The following TMEM18 variants were observed in gnomAD, a reference collection of about 807,000 sequenced individuals.
TMEM18 encodes the protein transmembrane protein 18.
TMEM18 carries 14 observed loss-of-function variants against 17.4 expected under a neutral mutation model. That is an observed-to-expected ratio of 0.80 (90% CI 0.53 to 1.25). The LOEUF is 1.25. Among genes scored for constraint, TMEM18 ranks in the 50% most tolerant of loss-of-function variants. TMEM18 has a pLI of 0.00. For missense variants in TMEM18, 187 were observed against 172.1 expected (o/e 1.09, Z -0.48); for synonymous variants, 86 against 66.1 (o/e 1.30, Z -1.46).
chr2:666,366 T>C lies in TMEM18; in HGVS notation c.*3214A>G, dbSNP rs187394952. Reference sequence around the variant, plus strand: ...AGCGCCTCCCCTGGCATAGGTCTTGTGCAATTTCTAATGACAGCATGATTC... The same window carrying C: ...AGCGCCTCCCCTGGCATAGGTCTTGCGCAATTTCTAATGACAGCATGATTC... On this transcript the variant is annotated 3_prime_UTR_variant, in exon 5 of 5. Coordinates refer to ENST00000281017, the MANE Select transcript of TMEM18 (RefSeq NM_152834.4). Among the ~76,000 whole-genome samples, 3 of 152,250 alleles carry C rather than the reference T, an allele frequency of 2.0e-5. No homozygotes were observed. In the East Asian group the frequency reaches 5.8e-4, roughly 29 times the overall value.
chr2:670,062 C>T (rs749933844), intron 3 of TMEM18: 39 of 543,500 alleles, frequency 7.2e-5, no homozygotes, highest in Non-Finnish European at 1.1e-4. Context: ...CACTGGGTCA[C>T]AGGACAGGGA....
rs1490053861 is a variant in TMEM18, at chr2:665,043, A to G, written c.*4537T>C. ...AACAATTTTCTCCTGTTCCAAAGAT[A>G]TCCAATGTTATATAAGAAATAACCA... is the stretch of plus-strand genomic sequence containing the variant. On this transcript the variant is annotated 3_prime_UTR_variant, in exon 5 of 5. Transcript: ENST00000281017. Among the ~76,000 whole-genome samples, 3 of 152,236 alleles carry G rather than the reference A, an allele frequency of 2.0e-5. No individual in the cohort carries two copies. Among genetic ancestry groups the G allele is most frequent in the African/African-American group, 7.2e-5 (3 of 41,444 alleles).
intron 3 of TMEM18, chr2:670,980 T>C (rs1463712950): frequency 6.6e-6 from 1 of 152,344 alleles, no homozygotes; most frequent in African/African-American, 2.4e-5. Context: ...TGGAACACAC[T>C]GGGCTCGTGG....
chr2:673,287 C>A (rs536415637), intron 2 of TMEM18, among the ~76,000 whole-genome samples: 1 of 152,188 alleles, frequency 6.6e-6, no homozygotes, highest in South Asian at 2.1e-4. Context: ...TCACACTTCC[C>A]GGGCTGACCT....
Position 669,576 on chromosome 2 carries a change from C to A in TMEM18, c.*4G>T. The A allele has an allele frequency of 6.2e-7, 1 of 1,614,098 alleles. No homozygotes were observed. The highest frequency in any genetic ancestry group is 8.5e-7 in the Non-Finnish European group (1 of 1,179,960). On this transcript the variant is annotated 3_prime_UTR_variant, in exon 5 of 5. Transcript: ENST00000281017. ...GGACGCAAACTCCAAGCAGCTGCTG[C>A]CCCTCAGTCTTCTTTCCTTCTCCTT...
intron 1 of TMEM18, chr2:676,695 C>T (rs1246210547): frequency 2.0e-6 from 3 of 1,507,626 alleles, no homozygotes; most frequent in Admixed American, 2.0e-5. Flanking sequence ...GTCAGACGAA[C>T]CCGGCACGGC....
intron 1 of TMEM18, chr2:676,025 A>G: frequency 7.6e-7 from 1 of 1,309,776 alleles, no homozygotes; most frequent in Non-Finnish European, 1.0e-6. Flanking sequence ...AAGGAAATTA[A>G]GACGATTGCT....
Position 666,722 on chromosome 2 carries a change from G to T in TMEM18, c.*2858C>A, listed in dbSNP as rs568248329. The stretch of plus-strand genomic sequence containing the variant: ...CTCCCTTCCTGCCTCCGAGAACTCT[G>T]CATGTGGAGCCCAGCCCCGTCCTCC... On this transcript the variant is annotated 3_prime_UTR_variant, in exon 5 of 5. Transcript: ENST00000281017. 2.9e-4 allele frequency among the ~76,000 whole-genome samples: 44 copies of T among 152,268 alleles called. No homozygotes were observed. The highest frequency in any genetic ancestry group is 1.0e-3 in the African/African-American group (43 of 41,562).
chr2:676,726 G>A (rs915317201), intron 1 of TMEM18: 1 of 1,322,142 alleles, frequency 7.6e-7, no homozygotes, highest in Non-Finnish European at 1.0e-6. Flanking sequence ...CCCACACTGG[G>A]CAGCGTTCCT....
At position 676,920 on chromosome 2, in the gene TMEM18, G is replaced by T. The variant is rs554680410; in HGVS notation, c.57+369C>A. The T allele has an allele frequency of 7.5e-4, 368 of 489,480 alleles. 5 individuals carry two copies. The highest frequency in any genetic ancestry group is 6.4e-3 in the Middle Eastern group (12 of 1,872). The allele number at this position is 489,480 out of a possible 1,614,324, so 30.3% of individuals were successfully genotyped here. A position where few individuals can be genotyped will look rare whatever the true frequency, so the allele number is the denominator to read the frequency against. ...CAGCCACGCCCGCACGGTGCAGGACGCCAGCCCAGCCCAAGCCCGGGCCAC... is the reference window on the plus strand; with the variant it reads ...CAGCCACGCCCGCACGGTGCAGGACTCCAGCCCAGCCCAAGCCCGGGCCAC... On this transcript the variant is annotated intron_variant, in intron 1 of 4. Coordinates refer to ENST00000281017, the MANE Select transcript of TMEM18 (RefSeq NM_152834.4).
intron 1 of TMEM18, chr2:675,907 T>C (rs188941630): frequency 2.2e-5 from 32 of 1,452,076 alleles, no homozygotes; most frequent in Non-Finnish European, 4.6e-6. Flanking sequence ...AAGGCATCTC[T>C]GATGTGCTCC....
In TMEM18 at chr2:667,499, C is replaced by G. The variant is rs1171166924; in HGVS notation, c.*2081G>C. On this transcript the variant is annotated 3_prime_UTR_variant, in exon 5 of 5. Transcript: ENST00000281017. Reference sequence around the variant, plus strand: ...CAGATGAAGCTCTCCAGTGAGTCATCCACATTTATGGAGCCTGAAACCAGT... The same window carrying G: ...CAGATGAAGCTCTCCAGTGAGTCATGCACATTTATGGAGCCTGAAACCAGT... The G allele has an allele frequency of 6.6e-6, 1 of 152,188 alleles. No individual in the cohort carries two copies. Among genetic ancestry groups the G allele is most frequent in the Non-Finnish European group, 1.5e-5 (1 of 68,032 alleles). The allele number at this position is 152,188 out of a possible 1,614,324, so 9.4% of individuals were successfully genotyped here.
In TMEM18 at chr2:677,312, C is replaced by G. The variant is rs763012210; in HGVS notation, c.34G>C (p.Val12Leu). ...ACCGTGAGCACGGCTGGGATGCTGACGGGGAAAGAGCTGACAGAGAAGGCG... is the reference window on the plus strand; with the variant it reads ...ACCGTGAGCACGGCTGGGATGCTGAGGGGGAAAGAGCTGACAGAGAAGGCG... ...PSAFSVSSFP[V>L]SIPAVLTQTD... Residue 12 changes from valine to leucine, a missense_variant, in exon 1 of 5, where the codon GTC becomes CTC. Physicochemically the swap from Val to Leu is conservative, Grantham distance 32. Transcript: ENST00000281017. 4.3e-6 allele frequency: 7 copies of G among 1,612,212 alleles called. No homozygotes were observed. Among genetic ancestry groups the G allele is most frequent in the Non-Finnish European group, 5.9e-6 (7 of 1,179,772 alleles).
rs997729797 is a variant in TMEM18 at position 666,331 on chromosome 2, T to G, written c.*3249A>C. Among the ~76,000 whole-genome samples, 7 of 152,222 alleles carry G rather than the reference T, an allele frequency of 4.6e-5. No homozygotes were observed. The highest frequency in any genetic ancestry group is 4.6e-4 in the Admixed American group (7 of 15,286). On this transcript the variant is annotated 3_prime_UTR_variant, in exon 5 of 5. Coordinates refer to ENST00000281017, the MANE Select transcript of TMEM18 (RefSeq NM_152834.4). ...CTGTCCTCAGGTTCCTTTCAGGGCCTGTGCCAGTCAGCGCCTCCCCTGGCA... is the reference window on the plus strand; with the variant it reads ...CTGTCCTCAGGTTCCTTTCAGGGCCGGTGCCAGTCAGCGCCTCCCCTGGCA...
chr2:671,825 C>A (rs1318446532), intron 3 of TMEM18, among the ~76,000 whole-genome samples: 1 of 140,786 alleles, frequency 7.1e-6, no homozygotes, highest in Admixed American at 7.0e-5. Flanking sequence ...GGAGGAGAGG[C>A]AGGGTCCTCC....
At position 672,875 on chromosome 2, in the gene TMEM18, A is replaced by AC; in HGVS notation, c.179-14dup. ...TAGACTAAGATGACTGAAAAAAGGT[A>AC]CAAGTCATATTAGAATTTAGATGGC... On this transcript the variant is annotated splice_polypyrimidine_tract_variant and intron_variant, in intron 2 of 4. Coordinates refer to ENST00000281017, the MANE Select transcript of TMEM18 (RefSeq NM_152834.4). The AC allele has an allele frequency of 6.6e-7, 1 of 1,510,520 alleles. No homozygotes were observed. The highest frequency in any genetic ancestry group is 2.7e-5 in the East Asian group (1 of 37,274). 93.6% of individuals were successfully genotyped at this position (1,510,520 alleles called of 1,614,324 possible).
intron 3 of TMEM18, 100 bp from the exon 4 acceptor site, chr2:669,950 A>G: frequency 1.1e-6 from 1 of 942,968 alleles, no homozygotes; most frequent in Non-Finnish European, 1.6e-6. Flanking sequence ...GCTGATGTGG[A>G]CTGAGGTGGG....
rs768857733 is a variant in TMEM18 at position 669,573 on chromosome 2, C to T, written c.*7G>A. 1 of 1,614,104 alleles carries T rather than the reference C, an allele frequency of 6.2e-7. No homozygotes were observed. Among genetic ancestry groups the T allele is most frequent in the Non-Finnish European group, 8.5e-7 (1 of 1,179,944 alleles). On this transcript the variant is annotated 3_prime_UTR_variant, in exon 5 of 5. Coordinates refer to ENST00000281017, the MANE Select transcript of TMEM18 (RefSeq NM_152834.4). ...GAAGGACGCAAACTCCAAGCAGCTG[C>T]TGCCCCTCAGTCTTCTTTCCTTCTC...
At chr2:676,145 G>T (rs1659186568) in intron 1 of TMEM18, 2 of 1,328,592 alleles carry the variant, frequency 1.5e-6, no homozygotes, top group African/African-American at 1.5e-5. Context: ...CCACGTGCAA[G>T]ACTTGATTTT....
Sources: allele counts gnomAD v4.1 joint callset (sites outside exome capture counted in the v4.1 genomes callset), GRCh38; gene constraint gnomAD v4.1.1; transcripts MANE v1.5; gene names NCBI Gene and HGNC (gene_info 2026-07-23, HGNC 2026-07-21).